Variants in CNTN4 observed in about 807,000 individuals in gnomAD.
CNTN4 encodes the protein contactin-4.
CNTN4 carries 77 observed loss-of-function variants against 122.5 expected under a neutral mutation model. That is an observed-to-expected ratio of 0.63 (90% CI 0.52 to 0.76). The LOEUF is 0.76. Ranked by LOEUF, CNTN4 falls within the 30% of genes least tolerant of loss-of-function variation. CNTN4 has a pLI of 0.00. For synonymous variants in CNTN4, 512 were observed against 447.0 expected, an observed-to-expected ratio of 1.15 and a Z score of -1.83; for missense variants, 1,256 against 1,259.1, an observed-to-expected ratio of 1.00 and a Z score of 0.04.
At chr3:2,210,727 C>G (rs2038578564) in intron 2 of CNTN4, among the ~76,000 whole-genome samples, 1 of 152,196 alleles carries the variant, frequency 6.6e-6, no homozygotes, top group African/African-American at 2.4e-5. Flanking sequence ...CATCTGTCTC[C>G]TAGTTGCCCA....
intron 2 of CNTN4, among the ~76,000 whole-genome samples, chr3:2,314,871 G>T (rs1325189413): frequency 2.0e-5 from 3 of 151,960 alleles, no homozygotes; most frequent in Admixed American, 2.0e-4. Context: ...AAGAAATACA[G>T]AGAGCTTCTT....
chr3:2,650,066 T>A (rs2083294579), intron 4 of CNTN4, among the ~76,000 whole-genome samples: 1 of 143,752 alleles, frequency 7.0e-6, no homozygotes, highest in African/African-American at 2.5e-5. Flanking sequence ...ATAAAATATG[T>A]ATTTTTATAA....
chr3:2,184,546 G>A (rs974997874), intron 2 of CNTN4, among the ~76,000 whole-genome samples: 23 of 152,140 alleles, frequency 1.5e-4, no homozygotes, highest in Non-Finnish European at 3.1e-4. Flanking sequence ...CCACCCGCCT[G>A]CTGTGGTTTG....
At chr3:2,460,129 T>A (rs1418146670) in intron 3 of CNTN4, among the ~76,000 whole-genome samples, 16 of 151,982 alleles carry the variant, frequency 1.1e-4, no homozygotes, top group Non-Finnish European at 4.4e-5. Context: ...GGTCTTTCAC[T>A]TTTTCTGGGA....
At chr3:2,793,852 A>C (rs1050163264) in intron 6 of CNTN4, among the ~76,000 whole-genome samples, 1 of 152,236 alleles carries the variant, frequency 6.6e-6, no homozygotes, top group Non-Finnish European at 1.5e-5. Context: ...AAGGGCCCAC[A>C]TAGCATTCAG....
rs1559662105 is a variant in CNTN4 at position 2,917,147 on chromosome 3, A to ACG, written c.1208-8482_1208-8481insCG. On this transcript the variant is annotated intron_variant, in intron 12 of 24. Transcript: ENST00000418658. ...AAACCCCGTCTCCACCAAAAAATAT[A>ACG]AAAACCAGTCAGGCGTGGCGGCGCG... Among the ~76,000 whole-genome samples the ACG allele has an allele frequency of 1.5e-3, 201 of 138,378 alleles. 2 individuals are homozygous for ACG. The highest frequency in any genetic ancestry group is 4.7e-3 in the African/African-American group (157 of 33,652). The allele number at this position is 138,378 out of a possible 152,430, so 90.8% of individuals were successfully genotyped here.
At chr3:2,521,343 T>TCGGGCCC (rs781282977) in intron 3 of CNTN4, among the ~76,000 whole-genome samples, 2 of 128,370 alleles carry the variant, frequency 1.6e-5, no homozygotes, top group African/African-American at 3.1e-5. Context: ...CCTCTACCCA[T>TCGGGCCC]CCCCCCCACC....
At chr3:2,431,137 A>C (rs986488261) in intron 3 of CNTN4, among the ~76,000 whole-genome samples, 1 of 152,218 alleles carries the variant, frequency 6.6e-6, no homozygotes, top group African/African-American at 2.4e-5. Flanking sequence ...TGTTTGTAAT[A>C]TGAAAAAATC....
chr3:2,188,749 G>T (rs756350718), intron 2 of CNTN4, among the ~76,000 whole-genome samples: 50 of 152,276 alleles, frequency 3.3e-4, no homozygotes, highest in Admixed American at 9.2e-4. Context: ...TGGGAAACAG[G>T]TTGCAGCTGA....
rs1174143787 is a variant in CNTN4 at position 2,340,707 on chromosome 3, A to AGAGAGAGAGAGAGAGAGGGAGG, written c.-89+1474_-89+1475insGAGAGAGAGAGAGAGAGGGAGG. On this transcript the variant is annotated intron_variant, in intron 3 of 24. Coordinates refer to ENST00000418658, the MANE Select transcript of CNTN4 (RefSeq NM_175607.3). Reference sequence around the variant, plus strand: ...ATTTTATATATATATATATATATATATATAGAGAGAGAGAGAGAGAGAGAG... The same window carrying AGAGAGAGAGAGAGAGAGGGAGG: ...ATTTTATATATATATATATATATATAGAGAGAGAGAGAGAGAGGGAGGTATAGAGAGAGAGAGAGAGAGAGAG... Among the ~76,000 whole-genome samples, 198 of 85,318 alleles carry AGAGAGAGAGAGAGAGAGGGAGG rather than the reference A, an allele frequency of 2.3e-3. 2 individuals carry two copies. The highest frequency in any genetic ancestry group is 8.1e-3 in the African/African-American group (188 of 23,348). The allele number at this position is 85,318 out of a possible 152,430, so 56.0% of individuals were successfully genotyped here. A position where few individuals can be genotyped will look rare whatever the true frequency, so the allele number is the denominator to read the frequency against.
chr3:2,289,030 C>T (rs2042041673), intron 2 of CNTN4, among the ~76,000 whole-genome samples: 1 of 152,130 alleles, frequency 6.6e-6, no homozygotes, highest in African/African-American at 2.4e-5. Flanking sequence ...ATCCCATACC[C>T]AGTGAATGGA....
At chr3:2,444,999 TAA>T (rs530580099) in intron 3 of CNTN4, among the ~76,000 whole-genome samples, 2 of 137,906 alleles carry the variant, frequency 1.5e-5, no homozygotes, top group Non-Finnish European at 1.5e-5. Context: ...TCTTACTATG[TAA>T]AAAAAAAAAA....
intron 6 of CNTN4, 81 bp downstream of exon 6, chr3:2,745,778 A>C (rs2089717884): frequency 2.4e-6 from 3 of 1,244,654 alleles, no homozygotes; most frequent in Non-Finnish European, 3.5e-6. Flanking sequence ...TAGCAGTTTC[A>C]TTTTAGAGAC....
intron 8 of CNTN4, among the ~76,000 whole-genome samples, chr3:2,878,186 A>G (rs2093867053): frequency 6.6e-6 from 1 of 152,192 alleles, no homozygotes; most frequent in South Asian, 2.1e-4. Flanking sequence ...ACGTTCCTGT[A>G]GCCATAAATA....
At chr3:2,173,947 T>G (rs1412314857) in intron 2 of CNTN4, among the ~76,000 whole-genome samples, 11 of 152,198 alleles carry the variant, frequency 7.2e-5, no homozygotes, top group Admixed American at 7.2e-4. Flanking sequence ...GTTGTTTTAT[T>G]TTATTGTCAA....
chr3:2,856,489 T>TG (rs563123741), intron 7 of CNTN4, among the ~76,000 whole-genome samples: 458 of 152,256 alleles, frequency 3.0e-3, no homozygotes, highest in Non-Finnish European at 5.2e-3. Flanking sequence ...AGGGGATCAG[T>TG]GACTATTTTT....
chr3:2,325,232 G>A (rs969319182), intron 2 of CNTN4, among the ~76,000 whole-genome samples: 3 of 152,162 alleles, frequency 2.0e-5, no homozygotes, highest in Non-Finnish European at 4.4e-5. Context: ...CTATGATTAA[G>A]CCAGACATTA....
intron 23 of CNTN4, among the ~76,000 whole-genome samples, chr3:3,049,029 A>G (rs550605339): frequency 2.0e-5 from 3 of 152,320 alleles, no homozygotes; most frequent in African/African-American, 4.8e-5. Context: ...TCCATTCAGA[A>G]ACTACTACTA....
At chr3:2,228,468 G>T (rs999716319) in intron 2 of CNTN4, among the ~76,000 whole-genome samples, 2 of 152,062 alleles carry the variant, frequency 1.3e-5, no homozygotes, top group Non-Finnish European at 2.9e-5. Context: ...GGCCTGCAAG[G>T]CTGAAAGTAT....
Sources: allele counts gnomAD v4.1 joint callset (sites outside exome capture counted in the v4.1 genomes callset), GRCh38; gene constraint gnomAD v4.1.1; transcripts MANE v1.5; gene names NCBI Gene and HGNC (gene_info 2026-07-23, HGNC 2026-07-21).